Variants in RSRC1 observed in about 807,000 individuals in gnomAD.
The protein encoded by RSRC1 is arginine and serine rich coiled-coil 1.
RSRC1 carries 39 observed loss-of-function variants against 49.1 expected under a neutral mutation model. The observed-to-expected ratio is 0.79, with a 90% CI of 0.61 to 1.04. The LOEUF is 1.04. Among genes scored for constraint, RSRC1 ranks in the 50% least tolerant of loss-of-function variants. RSRC1 has a pLI of 0.00. For synonymous variants in RSRC1, 143 were observed against 130.8 expected (o/e 1.09, Z -0.63); for missense variants, 388 against 402.4 (o/e 0.96, Z 0.31).
chr3:158,310,223 A>G, intron 5 of RSRC1, among the ~76,000 whole-genome samples: 2 of 151,648 alleles, frequency 1.3e-5, no homozygotes, highest in East Asian at 3.8e-4. Flanking sequence ...AAAATTTAGC[A>G]TATTTTTCAT....
chr3:158,260,143 G>GAGA (rs113682460), intron 4 of RSRC1, among the ~76,000 whole-genome samples: 92,730 of 151,320 alleles, frequency 0.61, 28,760 homozygotes, highest in East Asian at 0.73. Context: ...TTTTCTGAAG[G>GAGA]AGGAGTCTCT....
intron 4 of RSRC1, among the ~76,000 whole-genome samples, chr3:158,281,420 C>T (rs1389637174): frequency 2.0e-5 from 3 of 151,292 alleles, no homozygotes; most frequent in Non-Finnish European, 2.9e-5. Context: ...ATTTTTTGCA[C>T]ATGTACGTAT....
chr3:158,212,269 A>G (rs1721716631), intron 4 of RSRC1, among the ~76,000 whole-genome samples: 1 of 151,564 alleles, frequency 6.6e-6, no homozygotes, highest in East Asian at 1.9e-4. Flanking sequence ...ATAACATTGC[A>G]TTTTTTTTAA....
intron 3 of RSRC1, among the ~76,000 whole-genome samples, chr3:158,142,501 G>A (rs1420529786): frequency 6.6e-6 from 1 of 152,108 alleles, no homozygotes. Flanking sequence ...AAGAGGTTTA[G>A]TTTAGTTGGC....
At chr3:158,346,839 T>C (rs868567224) in intron 5 of RSRC1, among the ~76,000 whole-genome samples, 33 of 152,324 alleles carry the variant, frequency 2.2e-4, no homozygotes, top group South Asian at 4.1e-4. Flanking sequence ...CCTTTTATAA[T>C]AGCAAAAATT....
intron 4 of RSRC1, among the ~76,000 whole-genome samples, chr3:158,261,393 T>A (rs1294104409): frequency 6.6e-6 from 1 of 152,262 alleles, no homozygotes; most frequent in Admixed American, 6.5e-5. Context: ...CTTCTTATTT[T>A]TCACCTATAT....
chr3:158,343,391 A>T (rs1354272630), intron 5 of RSRC1, among the ~76,000 whole-genome samples: 1 of 152,222 alleles, frequency 6.6e-6, no homozygotes, highest in African/African-American at 2.4e-5. Flanking sequence ...CACAAAAAAA[A>T]TGTCTGACAT....
chr3:158,270,195 T>C (rs1725426876), intron 4 of RSRC1, among the ~76,000 whole-genome samples: 2 of 152,270 alleles, frequency 1.3e-5, no homozygotes, highest in African/African-American at 4.8e-5. Flanking sequence ...GTGTAGGAGA[T>C]CCATCATACT....
intron 7 of RSRC1, among the ~76,000 whole-genome samples, chr3:158,502,494 C>T (rs1578551985): frequency 6.6e-6 from 1 of 152,300 alleles, no homozygotes; most frequent in East Asian, 1.9e-4. Context: ...TCCTCAGAAA[C>T]ACCAATTATT....
chr3:158,235,603 A>G (rs1241901517), intron 4 of RSRC1, among the ~76,000 whole-genome samples: 3 of 152,002 alleles, frequency 2.0e-5, no homozygotes, highest in Non-Finnish European at 4.4e-5. Flanking sequence ...TTTTAAACTG[A>G]AACTTAACAC....
At chr3:158,529,214 G>GTGTGTGTATATATATATATA (rs374368016) in intron 7 of RSRC1, among the ~76,000 whole-genome samples, 3 of 143,126 alleles carry the variant, frequency 2.1e-5, no homozygotes, top group African/African-American at 7.9e-5. Context: ...ATGTGTGTGT[G>GTGTGTGTATATATATATATA]TATATATATA....
chr3:158,136,035 C>T (rs368960617), intron 3 of RSRC1, among the ~76,000 whole-genome samples: 6 of 152,284 alleles, frequency 3.9e-5, no homozygotes, highest in South Asian at 2.1e-4. Context: ...TCATTTTCAA[C>T]GTATAGATTG....
chr3:158,157,136 A>G (rs1183329727), intron 3 of RSRC1, among the ~76,000 whole-genome samples: 6 of 152,248 alleles, frequency 3.9e-5, no homozygotes, highest in Admixed American at 3.3e-4. Flanking sequence ...TGAGGGATCC[A>G]GCAGAGTTGT....
rs554485133 is a variant in RSRC1, at chr3:158,330,038, G to A, written c.532-24819G>A. 3.3e-5 allele frequency among the ~76,000 whole-genome samples: 5 copies of A among 152,302 alleles called. 1 individual carries two copies. The highest frequency in any genetic ancestry group is 1.9e-4 in the East Asian group (1 of 5,164). ...GGGCGTTGGACCCTCCGAGCCAGGC[G>A]CAGGATATTATCTCCTGGTGTGCCG... is the stretch of plus-strand genomic sequence containing the variant. On this transcript the variant is annotated intron_variant, in intron 5 of 9. Transcript: ENST00000611884.
intron 4 of RSRC1, among the ~76,000 whole-genome samples, chr3:158,229,470 A>T (rs933860566): frequency 6.0e-5 from 9 of 150,642 alleles, no homozygotes; most frequent in African/African-American, 9.7e-5. Context: ...GTATATACAT[A>T]ATTATATTCA....
intron 5 of RSRC1, among the ~76,000 whole-genome samples, chr3:158,325,176 G>A (rs1195047852): frequency 6.6e-6 from 1 of 152,130 alleles, no homozygotes; most frequent in African/African-American, 2.4e-5. Context: ...CATTCTGTAG[G>A]TTGCCTGTTC....
chr3:158,188,568 A>G (rs1720055681), intron 3 of RSRC1, among the ~76,000 whole-genome samples: 1 of 151,960 alleles, frequency 6.6e-6, no homozygotes, highest in Non-Finnish European at 1.5e-5. Flanking sequence ...TTTGGGAATC[A>G]TAATCCTAGG....
rs558051784 is a variant in RSRC1 at position 158,289,237 on chromosome 3, T to C, written c.495-8802T>C. 6.6e-5 allele frequency among the ~76,000 whole-genome samples: 10 copies of C among 152,330 alleles called. No homozygotes were observed. The East Asian group carries it at 1.4e-3, about 21-fold the overall frequency. On this transcript the variant is annotated intron_variant, in intron 4 of 9. Transcript: ENST00000611884. Reference sequence around the variant, plus strand: ...TATCTAGAGCATGACTTCAGAAATATTGAACTCTCTTCTCTTTCCCCTGTA... The same window carrying C: ...TATCTAGAGCATGACTTCAGAAATACTGAACTCTCTTCTCTTTCCCCTGTA...
intron 7 of RSRC1, among the ~76,000 whole-genome samples, chr3:158,463,437 T>C (rs925638872): frequency 3.9e-5 from 6 of 152,112 alleles, no homozygotes; most frequent in African/African-American, 1.2e-4. Context: ...TATGCATGTG[T>C]GTATATAGTT....
Sources: allele counts gnomAD v4.1 joint callset (sites outside exome capture counted in the v4.1 genomes callset), GRCh38; gene constraint gnomAD v4.1.1; transcripts MANE v1.5; gene names NCBI Gene and HGNC (gene_info 2026-07-23, HGNC 2026-07-21).